Variants in SEMA3C observed in about 807,000 individuals in gnomAD.
SEMA3C encodes the protein semaphorin-3C.
In SEMA3C, 47 loss-of-function variants were observed where a neutral mutation model predicts 89.4. The ratio of observed to expected loss-of-function variants is 0.53; its 90% CI spans 0.42 to 0.67. The LOEUF is 0.67. SEMA3C is among the 30% of genes least tolerant of loss of function. SEMA3C has a pLI of 0.00. For missense variants in SEMA3C, 839 were observed against 929.1 expected (o/e 0.90, Z 1.26); for synonymous variants, 310 against 320.2 (o/e 0.97, Z 0.34).
chr7:80,764,216 A>T (rs1489876957), intron 13 of SEMA3C, among the ~76,000 whole-genome samples: 1 of 152,210 alleles, frequency 6.6e-6, no homozygotes, highest in Non-Finnish European at 1.5e-5. Context: ...AGAGTCTGCT[A>T]CTGGGAGTTC....
intron 2 of SEMA3C, among the ~76,000 whole-genome samples, chr7:80,866,552 GA>G (rs1421423411): frequency 1.3e-5 from 2 of 152,104 alleles, no homozygotes; most frequent in Non-Finnish European, 2.9e-5. Flanking sequence ...ATTTCTCAAT[GA>G]AATCTGTAAT....
chr7:80,817,897 T>G (rs1490789110), intron 5 of SEMA3C, among the ~76,000 whole-genome samples: 1 of 152,142 alleles, frequency 6.6e-6, no homozygotes, highest in Non-Finnish European at 1.5e-5. Flanking sequence ...TGCTACAATA[T>G]TTCTATAATT....
At chr7:80,814,119 C>T (rs1477095741) in intron 5 of SEMA3C, among the ~76,000 whole-genome samples, 3 of 141,684 alleles carry the variant, frequency 2.1e-5, no homozygotes, top group Non-Finnish European at 4.5e-5. Context: ...GACAGAGTCT[C>T]GCTCTGTCGC....
At chr7:80,918,260 T>G (rs1792324281) in intron 1 of SEMA3C, 2 of 152,194 alleles carry the variant, frequency 1.3e-5, no homozygotes, top group African/African-American at 4.8e-5. Flanking sequence ...CTGAGCAAGT[T>G]GATATTATTT....
intron 2 of SEMA3C, among the ~76,000 whole-genome samples, chr7:80,864,407 A>T (rs950331586): frequency 1.6e-4 from 25 of 152,170 alleles, no homozygotes; most frequent in Non-Finnish European, 2.9e-4. Context: ...AAAAAATATA[A>T]AAAAGTAAAA....
chr7:80,879,811 G>C (rs1791291621), intron 2 of SEMA3C, among the ~76,000 whole-genome samples: 1 of 152,138 alleles, frequency 6.6e-6, no homozygotes, highest in South Asian at 2.1e-4. Flanking sequence ...ACAGAGGTTA[G>C]GTGGTATTTA....
At chr7:80,792,744 T>C (rs548161394) in intron 11 of SEMA3C, among the ~76,000 whole-genome samples, 3 of 152,204 alleles carry the variant, frequency 2.0e-5, no homozygotes, top group Non-Finnish European at 4.4e-5. Flanking sequence ...TCCTAGTATA[T>C]GTTCAAACTT....
intron 5 of SEMA3C, among the ~76,000 whole-genome samples, chr7:80,817,027 T>C (rs1413909297): frequency 2.0e-5 from 3 of 152,204 alleles, no homozygotes; most frequent in African/African-American, 7.2e-5. Flanking sequence ...AGGCAGTAGT[T>C]TACTTAATCA....
chr7:80,855,755 G>A (rs1583945763), intron 2 of SEMA3C, among the ~76,000 whole-genome samples: 1 of 152,130 alleles, frequency 6.6e-6, no homozygotes, highest in Non-Finnish European at 1.5e-5. Flanking sequence ...AACTAGTAGT[G>A]ACAATAAAAG....
At chr7:80,783,373 T>C (rs1355267252) in intron 12 of SEMA3C, among the ~76,000 whole-genome samples, 2 of 152,304 alleles carry the variant, frequency 1.3e-5, no homozygotes, top group Non-Finnish European at 2.9e-5. Context: ...ATCGTTCCAC[T>C]CTGTTCCATT....
At chr7:80,769,144 T>G (rs971267915) in intron 12 of SEMA3C, among the ~76,000 whole-genome samples, 6 of 152,218 alleles carry the variant, frequency 3.9e-5, no homozygotes, top group African/African-American at 1.4e-4. Flanking sequence ...ATACAATGTG[T>G]AATGATCAAA....
chr7:80,852,229 C>G (rs535464228), intron 2 of SEMA3C, among the ~76,000 whole-genome samples: 3 of 152,192 alleles, frequency 2.0e-5, no homozygotes, highest in Non-Finnish European at 4.4e-5. Context: ...AGGACACTCT[C>G]TCATACACTG....
rs1455103850 is a variant in SEMA3C, at chr7:80,918,974, T to A, written c.-185A>T. 2 of 985,242 alleles carry A rather than the reference T, an allele frequency of 2.0e-6. No individual in the cohort carries two copies. The highest frequency in any genetic ancestry group is 2.4e-6 in the Non-Finnish European group (2 of 829,916). The allele number at this position is 985,242 out of a possible 1,614,324, so 61.0% of individuals were successfully genotyped here. ...TTTCTTCCCGGTCCTCTGAGTTTCTTTGTAAAGGAATCTCAGCGCTGCAGT... is the reference window on the plus strand; with the variant it reads ...TTTCTTCCCGGTCCTCTGAGTTTCTATGTAAAGGAATCTCAGCGCTGCAGT... On this transcript the variant is annotated 5_prime_UTR_variant, in exon 1 of 18. Coordinates refer to ENST00000265361, the MANE Select transcript of SEMA3C (RefSeq NM_006379.5).
At chr7:80,815,274 A>C (rs1433413952) in intron 5 of SEMA3C, among the ~76,000 whole-genome samples, 1 of 152,140 alleles carries the variant, frequency 6.6e-6, no homozygotes, top group Non-Finnish European at 1.5e-5. Context: ...ATTTAATGTC[A>C]CAGATCGTTC....
intron 11 of SEMA3C, 60 bp from the exon 12 acceptor site, chr7:80,789,588 T>A: frequency 8.5e-7 from 1 of 1,180,268 alleles, no homozygotes; most frequent in Non-Finnish European, 1.2e-6. Context: ...CTAGTAATAA[T>A]CAAAAACTCT....
intron 2 of SEMA3C, among the ~76,000 whole-genome samples, chr7:80,878,991 CA>C (rs2116088099): frequency 6.6e-6 from 1 of 152,050 alleles, no homozygotes; most frequent in African/African-American, 2.4e-5. Context: ...ACACAGTAAT[CA>C]AATCGGATAA....
chr7:80,760,577 G>GT lies in SEMA3C; in HGVS notation c.1485+1038dup, dbSNP rs538900233. On this transcript the variant is annotated intron_variant, in intron 14 of 17. Coordinates refer to ENST00000265361, the MANE Select transcript of SEMA3C (RefSeq NM_006379.5). Reference sequence around the variant, plus strand: ...TAAAATTCAGTGATGTCAAAAGAGTGTAAGACTGACTATAAAATACCACTT... The same window carrying GT: ...TAAAATTCAGTGATGTCAAAAGAGTGTTAAGACTGACTATAAAATACCACTT... Among the ~76,000 whole-genome samples, 409 of 152,282 alleles carry GT rather than the reference G, an allele frequency of 2.7e-3. 2 individuals carry two copies. Among genetic ancestry groups the GT allele is most frequent in the African/African-American group, 9.3e-3 (386 of 41,564 alleles).
At chr7:80,832,015 T>G (rs1451401442) in intron 2 of SEMA3C, among the ~76,000 whole-genome samples, 1 of 152,192 alleles carries the variant, frequency 6.6e-6, no homozygotes, top group African/African-American at 2.4e-5. Flanking sequence ...ATTTTGTCAT[T>G]AGAAGTAGCA....
intron 13 of SEMA3C, 115 bp downstream of exon 13, chr7:80,765,040 A>C: frequency 6.1e-6 from 4 of 656,544 alleles, no homozygotes; most frequent in Non-Finnish European, 1.0e-5. Context: ...TCAAAAATTC[A>C]TAACATTCAT....
Sources: gnomAD v4.1 joint callset for allele counts (sites outside exome capture counted in the v4.1 genomes callset) on GRCh38, gnomAD v4.1.1 for gene constraint, MANE v1.5 for transcripts, NCBI Gene and HGNC (gene_info 2026-07-23, HGNC 2026-07-21) for gene names.